The following CDH19 variants were observed in gnomAD, a reference collection of about 807,000 sequenced individuals.
The protein encoded by CDH19 is cadherin-19.
In CDH19, 67 loss-of-function variants were observed where a neutral mutation model predicts 64.2. The ratio of observed to expected loss-of-function variants is 1.04; its 90% CI spans 0.86 to 1.28. The LOEUF (loss-of-function observed/expected upper bound fraction) is 1.28. CDH19 is among the 50% of genes most tolerant of loss of function. The probability of loss-of-function intolerance (pLI) is 0.00; values close to 1 mark genes in which losing one functional copy is unlikely to be tolerated. For synonymous variants in CDH19, 346 were observed against 319.3 expected, an observed-to-expected ratio of 1.08 and a Z score of -0.89; for missense variants, 1,030 against 929.0, an observed-to-expected ratio of 1.11 and a Z score of -1.41.
At chr18:66,522,410 C>G (rs1259531274) in intron 9 of CDH19, among the ~76,000 whole-genome samples, 2 of 151,946 alleles carry the variant, frequency 1.3e-5, no homozygotes, top group Non-Finnish European at 2.9e-5. Flanking sequence ...GCCACTACGC[C>G]CGGCTAATTT....
At chr18:66,600,977 G>C (rs1328868021) in intron 1 of CDH19, among the ~76,000 whole-genome samples, 1 of 151,810 alleles carries the variant, frequency 6.6e-6, no homozygotes, top group Non-Finnish European at 1.5e-5. Flanking sequence ...CAAATACTAT[G>C]GGGGAAGAGT....
intron 1 of CDH19, among the ~76,000 whole-genome samples, chr18:66,599,214 G>A (rs1193172837): frequency 1.3e-5 from 2 of 152,028 alleles, no homozygotes; most frequent in African/African-American, 4.8e-5. Context: ...TTAGCACAAT[G>A]TTTAATGCTA....
intron 10 of CDH19, among the ~76,000 whole-genome samples, chr18:66,511,058 GT>G (rs990407738): frequency 4.6e-5 from 7 of 151,760 alleles, no homozygotes; most frequent in African/African-American, 1.2e-4. Context: ...CCTACAAAAA[GT>G]TCTTTGGAAC....
At chr18:66,602,423 TA>T (rs1449668700) in intron 1 of CDH19, among the ~76,000 whole-genome samples, 1 of 151,980 alleles carries the variant, frequency 6.6e-6, no homozygotes, top group Non-Finnish European at 1.5e-5. Context: ...CACATCATTT[TA>T]AAGCATCTTC....
Position 66,591,880 on chromosome 18 carries a change from A to C in CDH19, c.-113+12074T>G, listed in dbSNP as rs555548135. Among the ~76,000 whole-genome samples, 16 of 151,924 alleles carry C rather than the reference A, an allele frequency of 1.1e-4. 2 individuals are homozygous for C. In the South Asian group the frequency reaches 3.1e-3, roughly 30 times the overall value. Reference sequence around the variant, plus strand: ...GTGAGTATCTGCCTACTGCATCACAAAACAGTCTAAGCAATCCATATTTAT... The same window carrying C: ...GTGAGTATCTGCCTACTGCATCACACAACAGTCTAAGCAATCCATATTTAT... On this transcript the variant is annotated intron_variant, in intron 1 of 11. Coordinates refer to ENST00000262150, the MANE Select transcript of CDH19 (RefSeq NM_021153.4).
chr18:66,519,800 C>G (rs2144376861), intron 9 of CDH19, among the ~76,000 whole-genome samples: 1 of 152,230 alleles, frequency 6.6e-6, no homozygotes, highest in South Asian at 2.1e-4. Flanking sequence ...CTATCCTGCT[C>G]ATTTTTCTCA....
In CDH19 at chr18:66,561,378, A is replaced by G. The variant is rs569264746; in HGVS notation, c.491-6854T>C. On this transcript the variant is annotated intron_variant, in intron 3 of 11. Coordinates refer to ENST00000262150, the MANE Select transcript of CDH19 (RefSeq NM_021153.4). ...ACCTTAAAACAACAGTGACAATATA[A>G]AGTGGCCACCAGGATAGCACACAAA... Among the ~76,000 whole-genome samples the G allele has an allele frequency of 5.5e-4, 84 of 152,226 alleles. 1 individual carries two copies. Among genetic ancestry groups the G allele is most frequent in the Admixed American group, 4.6e-3 (70 of 15,252 alleles).
intron 1 of CDH19, among the ~76,000 whole-genome samples, chr18:66,597,491 T>C (rs868782420): frequency 1.1e-3 from 171 of 152,170 alleles, no homozygotes; most frequent in Middle Eastern, 0.01. Context: ...CCTACAACTA[T>C]AAACACCCTA....
chr18:66,507,823 C>T (rs555242496), intron 11 of CDH19, among the ~76,000 whole-genome samples: 64 of 151,870 alleles, frequency 4.2e-4, no homozygotes, highest in Non-Finnish European at 8.5e-4. Context: ...TTATGGTATG[C>T]AATGTGATGT....
At chr18:66,509,267 C>A in intron 10 of CDH19, 21 bp from the exon 11 acceptor site, 2 of 1,607,016 alleles carry the variant, frequency 1.2e-6, no homozygotes, top group Non-Finnish European at 8.5e-7. Flanking sequence ...AATCCATGTG[C>A]ATAATTTTTT....
At chr18:66,505,442 AT>A in intron 11 of CDH19, 140 bp from the exon 12 acceptor site, 1 of 683,864 alleles carries the variant, frequency 1.5e-6, no homozygotes, top group Non-Finnish European at 2.1e-6. Flanking sequence ...GTTATTGAAA[AT>A]TTGCCAAAGG....
At chr18:66,526,155 C>T in intron 9 of CDH19, among the ~76,000 whole-genome samples, 1 of 152,084 alleles carries the variant, frequency 6.6e-6, no homozygotes, top group East Asian at 1.9e-4. Context: ...AAATCACTAT[C>T]ATTCTTGGAG....
At chr18:66,592,827 G>A (rs1988781893) in intron 1 of CDH19, among the ~76,000 whole-genome samples, 1 of 151,450 alleles carries the variant, frequency 6.6e-6, no homozygotes, top group East Asian at 1.9e-4. Context: ...TGGCTATTGT[G>A]AATTGCAATA....
At chr18:66,594,960 C>G (rs1412225194) in intron 1 of CDH19, among the ~76,000 whole-genome samples, 1 of 150,772 alleles carries the variant, frequency 6.6e-6, no homozygotes, top group Non-Finnish European at 1.5e-5. Flanking sequence ...ACATATGTAA[C>G]TAACCTGCAT....
intron 7 of CDH19, among the ~76,000 whole-genome samples, chr18:66,537,257 C>T (rs1349386982): frequency 6.6e-6 from 1 of 151,854 alleles, no homozygotes; most frequent in African/African-American, 2.4e-5. Context: ...TCCACGATTC[C>T]TCAATGTTCT....
intron 9 of CDH19, among the ~76,000 whole-genome samples, chr18:66,524,120 TC>T (rs1986113599): frequency 6.6e-6 from 1 of 152,206 alleles, no homozygotes; most frequent in Non-Finnish European, 1.5e-5. Context: ...GATCTATTTT[TC>T]TAAACATTCT....
At chr18:66,588,604 T>TTATATATATA (rs1988644075) in intron 1 of CDH19, among the ~76,000 whole-genome samples, 1 of 104,602 alleles carries the variant, frequency 9.6e-6, no homozygotes, top group Non-Finnish European at 2.5e-5. Context: ...TTTTTACTAA[T>TTATATATATA]CATATATATC....
chr18:66,582,443 A>C (rs1988449996), intron 1 of CDH19, among the ~76,000 whole-genome samples: 1 of 152,048 alleles, frequency 6.6e-6, no homozygotes, highest in African/African-American at 2.4e-5. Flanking sequence ...CTAGTATGAA[A>C]TATAAAGAAA....
intron 9 of CDH19, among the ~76,000 whole-genome samples, chr18:66,519,108 A>G (rs145548348): frequency 9.9e-5 from 15 of 152,266 alleles, no homozygotes; most frequent in African/African-American, 3.6e-4. Context: ...TCCCCTAAAC[A>G]TCTGATGAAC....
Sources: gnomAD v4.1 joint callset for allele counts (sites outside exome capture counted in the v4.1 genomes callset) on GRCh38, gnomAD v4.1.1 for gene constraint, MANE v1.5 for transcripts, NCBI Gene and HGNC (gene_info 2026-07-23, HGNC 2026-07-21) for gene names.